EML1: variants seen among roughly 807,000 people sequenced by gnomAD.
EML1 encodes echinoderm microtubule-associated protein-like 1.
EML1 carries 27 observed loss-of-function variants against 110.4 expected under a neutral mutation model. That is an observed-to-expected ratio of 0.24 (90% CI 0.18 to 0.34). The LOEUF is 0.34. Among genes scored for constraint, EML1 ranks in the 10% least tolerant of loss-of-function variants. EML1 has a pLI of 1.00. For synonymous variants in EML1, 344 were observed against 385.8 expected (o/e 0.89, Z 1.27); for missense variants, 741 against 1,030.9 (o/e 0.72, Z 3.85).
At chr14:99,899,749 A>C (rs926873058) in intron 8 of EML1, among the ~76,000 whole-genome samples, 7 of 151,730 alleles carry the variant, frequency 4.6e-5, no homozygotes, top group Admixed American at 2.6e-4. Flanking sequence ...GCTTTGAAAA[A>C]TTCTTTGAAA....
At chr14:99,806,283 C>T (rs2139697961) in intron 1 of EML1, among the ~76,000 whole-genome samples, 1 of 150,176 alleles carries the variant, frequency 6.7e-6, no homozygotes, top group East Asian at 2.0e-4. Flanking sequence ...GCTCAGCCTC[C>T]TGTGTAAAGT....
At chr14:99,830,905 A>G (rs1224807066) in intron 1 of EML1, among the ~76,000 whole-genome samples, 1 of 152,156 alleles carries the variant, frequency 6.6e-6, no homozygotes, top group Non-Finnish European at 1.5e-5. Flanking sequence ...ATGTAGGACA[A>G]CTGTCCAGAC....
In EML1 at chr14:99,939,584, G is replaced by A. The variant is rs754491422; in HGVS notation, c.2322+257G>A. On this transcript the variant is annotated intron_variant, in intron 21 of 21. Coordinates refer to ENST00000262233, the MANE Select transcript of EML1 (RefSeq NM_004434.3). This position sits in a 1 kb window ranked among gnomAD's most constrained non-coding sequence, Gnocchi z 4.2. The stretch of plus-strand genomic sequence containing the variant: ...GGCTCACGACCCCGCCCTCCCCCAC[G>A]GCTCCCTTGCTCCGGCCCTGCTCAG... 7.2e-5 allele frequency among the ~76,000 whole-genome samples: 11 copies of A among 151,972 alleles called. No homozygotes were observed. Among genetic ancestry groups the A allele is most frequent in the East Asian group, 1.9e-4 (1 of 5,166 alleles).
intron 1 of EML1, among the ~76,000 whole-genome samples, chr14:99,799,159 G>C (rs2057829973): frequency 6.6e-6 from 1 of 152,206 alleles, no homozygotes; most frequent in South Asian, 2.1e-4. Flanking sequence ...GAGTCCATGG[G>C]ACCTGCCCAG....
At chr14:99,755,485 G>A (rs534885733) in intron 1 of EML1, among the ~76,000 whole-genome samples, 59 of 152,254 alleles carry the variant, frequency 3.9e-4, no homozygotes, top group African/African-American at 1.3e-3. Flanking sequence ...TGGTTGTGGC[G>A]GCTCCAGAAG....
intron 1 of EML1, among the ~76,000 whole-genome samples, chr14:99,807,382 G>A (rs761158882): frequency 6.6e-6 from 1 of 152,204 alleles, no homozygotes; most frequent in African/African-American, 2.4e-5. Flanking sequence ...GCTGCAAGGC[G>A]ATTCTAGAGA....
chr14:99,844,340 ATGGTGGTGTGTGCCTGT>A (rs2058675739), intron 1 of EML1, among the ~76,000 whole-genome samples: 1 of 152,070 alleles, frequency 6.6e-6, no homozygotes, highest in Non-Finnish European at 1.5e-5. Context: ...TTAGCCGAGC[ATGGTGGTGTGTGCCTGT>A]AGTCCCAGCT....
At chr14:99,874,476 G>T (rs1042462342) in intron 3 of EML1, among the ~76,000 whole-genome samples, 2 of 152,184 alleles carry the variant, frequency 1.3e-5, no homozygotes, top group Non-Finnish European at 2.9e-5. Flanking sequence ...TCGCCGTCCA[G>T]AGAGAACATA....
rs753875686 is a variant in EML1, at chr14:99,901,010, G to C, written c.979G>C (p.Ala327Pro). The change falls in exon 9 of 22, where the codon GCA becomes CCA. Residue 327 changes from alanine (A) to proline (P), a missense_variant. Coordinates refer to ENST00000262233, the MANE Select transcript of EML1 (RefSeq NM_004434.3). The part of the protein sequence containing the change: ...HVIGIGFFDR[A>P]VTCIAFSKSN... ...CATTGGAATAGGTTTTTTTGACCGA[G>C]CAGTCACCTGTATTGCATTCTCAAA... 6.2e-7 allele frequency: 1 copy of C among 1,614,140 alleles called. No individual in the cohort carries two copies. The highest frequency in any genetic ancestry group is 8.5e-7 in the Non-Finnish European group (1 of 1,180,014).
chr14:99,778,844 A>G (rs111929267), intron 1 of EML1, among the ~76,000 whole-genome samples: 2 of 152,162 alleles, frequency 1.3e-5, no homozygotes, highest in African/African-American at 2.4e-5. Flanking sequence ...TAGAAATCCA[A>G]TGCCATTCTA....
At chr14:99,885,545 A>T (rs1482291059) in intron 4 of EML1, among the ~76,000 whole-genome samples, 1 of 152,204 alleles carries the variant, frequency 6.6e-6, no homozygotes, top group African/African-American at 2.4e-5. Context: ...TGTAAACAGC[A>T]CCACCTATGG....
intron 1 of EML1, among the ~76,000 whole-genome samples, chr14:99,848,173 C>A (rs1191731545): frequency 6.6e-6 from 1 of 152,082 alleles, no homozygotes; most frequent in Non-Finnish European, 1.5e-5. Flanking sequence ...TTTAGCTACA[C>A]TCCTTTGCAT....
Position 99,793,533 on chromosome 14 carries a change from G to T in EML1, c.57G>T (p.Gln19His). Residue 19 changes from glutamine (Q) to histidine (H), a missense_variant, in exon 1 of 22, where the codon CAG becomes CAT. Physicochemically the swap from Gln to His is conservative, Grantham distance 24. This residue lies in a region of EML1 where 226 missense variants were observed against 255.6 expected (regional missense o/e 0.88). Transcript: ENST00000262233. ...SSLYDTSSLL[Q>H]FCNDDSASAA... ...TGTACGACACGTCCTCGCTGCTCCA[G>T]TTCTGCAACGGTGAGGGGCGGCCGC... 2 of 1,038,098 alleles carry T rather than the reference G, an allele frequency of 1.9e-6. No individual in the cohort carries two copies. Among genetic ancestry groups the T allele is most frequent in the Non-Finnish European group, 1.2e-6 (1 of 860,080 alleles). The allele number at this position is 1,038,098 out of a possible 1,614,324, so 64.3% of individuals were successfully genotyped here. A position where few individuals can be genotyped will look rare whatever the true frequency, so the allele number is the denominator to read the frequency against.
At chr14:99,800,707 C>T (rs572605753) in intron 1 of EML1, among the ~76,000 whole-genome samples, 1 of 152,300 alleles carries the variant, frequency 6.6e-6, no homozygotes, top group African/African-American at 2.4e-5. Context: ...TTTGTTTACT[C>T]TAAGGTTCTA....
At chr14:99,919,513 C>G (rs1207488309) in intron 16 of EML1, among the ~76,000 whole-genome samples, 1 of 151,842 alleles carries the variant, frequency 6.6e-6, no homozygotes, top group Non-Finnish European at 1.5e-5. Context: ...TCTAACTCAT[C>G]AGGCTCCCAC....
intron 1 of EML1, among the ~76,000 whole-genome samples, chr14:99,800,285 G>C (rs1475710355): frequency 2.0e-5 from 3 of 151,478 alleles, no homozygotes; most frequent in African/African-American, 7.3e-5. Context: ...TACTCTCTTT[G>C]GTTTACTTTT....
chr14:99,787,268 CTTT>C (rs34680462), intron 1 of EML1, among the ~76,000 whole-genome samples: 33 of 101,600 alleles, frequency 3.2e-4, no homozygotes, highest in Admixed American at 4.4e-4. Context: ...CTCTGAGATT[CTTT>C]TTTTTTTTTT....
chr14:99,870,968 T>C (rs1445894323), intron 3 of EML1, among the ~76,000 whole-genome samples: 4 of 152,120 alleles, frequency 2.6e-5, no homozygotes, highest in African/African-American at 9.7e-5. Context: ...AATAACATTT[T>C]TTTTTTTTGA....
At chr14:99,865,423 A>G (rs2059079153) in intron 2 of EML1, 91 bp from the exon 3 acceptor site, 2 of 1,535,614 alleles carry the variant, frequency 1.3e-6, no homozygotes, top group Non-Finnish European at 8.9e-7. Context: ...GTGTGGCCTC[A>G]TCTTCCTAAC....
Sources: gnomAD v4.1 joint callset for allele counts (sites outside exome capture counted in the v4.1 genomes callset) on GRCh38, gnomAD v4.1.1 for gene constraint, gnomAD v4.1.1 regional missense constraint, Gnocchi (gnomAD v3.1) non-coding constraint, MANE v1.5 for transcripts, NCBI Gene and HGNC (gene_info 2026-07-23, HGNC 2026-07-21) for gene names.